CTIF: variants seen among roughly 807,000 people sequenced by gnomAD.
The protein encoded by CTIF is CBP80/20-dependent translation initiation factor.
Under a neutral mutation model 66.0 loss-of-function variants are expected in CTIF, and 21 were observed. That is an observed-to-expected ratio of 0.32 (90% CI 0.23 to 0.46). The LOEUF is 0.46. Among genes scored for constraint, CTIF ranks in the 20% least tolerant of loss-of-function variants. The pLI is 1.00. For missense variants in CTIF, 739 were observed against 812.7 expected, an observed-to-expected ratio of 0.91 and a Z score of 1.10; for synonymous variants, 345 against 326.4, an observed-to-expected ratio of 1.06 and a Z score of -0.62.
chr18:48,853,577 A>G (rs1480201966), intron 10 of CTIF, among the ~76,000 whole-genome samples: 1 of 152,028 alleles, frequency 6.6e-6, no homozygotes, highest in African/African-American at 2.4e-5. Flanking sequence ...TCCCAAAACG[A>G]TTTCTTTTCT....
At chr18:48,736,542 A>G (rs2092505199) in intron 7 of CTIF, among the ~76,000 whole-genome samples, 1 of 151,912 alleles carries the variant, frequency 6.6e-6, no homozygotes, top group Admixed American at 6.6e-5. Flanking sequence ...TCCTCCGATG[A>G]TTTTCCTTCT....
chr18:48,741,892 A>G (rs987544715), intron 7 of CTIF, among the ~76,000 whole-genome samples: 5 of 152,212 alleles, frequency 3.3e-5, no homozygotes, highest in Non-Finnish European at 7.4e-5. Context: ...ACAGAGAGCC[A>G]GCGAGTGCCA....
At chr18:48,645,607 C>G (rs74450516) in intron 3 of CTIF, among the ~76,000 whole-genome samples, 1 of 152,226 alleles carries the variant, frequency 6.6e-6, no homozygotes, top group Non-Finnish European at 1.5e-5. Flanking sequence ...CTCCTACCCA[C>G]GCCCCATGGT....
At chr18:48,563,344 A>G (rs921313402) in intron 1 of CTIF, among the ~76,000 whole-genome samples, 7 of 152,150 alleles carry the variant, frequency 4.6e-5, no homozygotes, top group Non-Finnish European at 1.0e-4. Flanking sequence ...TTTTGTATTC[A>G]TCTCTCTGGG....
At chr18:48,762,670 A>T (rs1245103537) in intron 9 of CTIF, among the ~76,000 whole-genome samples, 1 of 152,264 alleles carries the variant, frequency 6.6e-6, no homozygotes, top group Non-Finnish European at 1.5e-5. Flanking sequence ...GGCCATCTTA[A>T]CTAGGGTGAC....
intron 8 of CTIF, 103 bp downstream of exon 8, chr18:48,758,508 G>A: frequency 7.1e-7 from 1 of 1,406,396 alleles, no homozygotes; most frequent in South Asian, 1.4e-5. Context: ...GGGTTTGAGG[G>A]TCTAGGGAGC....
intron 1 of CTIF, among the ~76,000 whole-genome samples, chr18:48,607,141 C>T (rs999915699): frequency 9.2e-5 from 14 of 152,192 alleles, no homozygotes; most frequent in Non-Finnish European, 1.9e-4. Flanking sequence ...TTCCCTCCCT[C>T]GGGTCCTCCA....
chr18:48,825,818 A>C (rs1232106150), intron 10 of CTIF, among the ~76,000 whole-genome samples: 1 of 152,220 alleles, frequency 6.6e-6, no homozygotes, highest in African/African-American at 2.4e-5. Context: ...CTTTTACTAC[A>C]TTACAAACTC....
chr18:48,641,759 C>A (rs541929414), intron 3 of CTIF, among the ~76,000 whole-genome samples: 1 of 152,330 alleles, frequency 6.6e-6, no homozygotes, highest in South Asian at 2.1e-4. Context: ...GTGAAACACC[C>A]AACTGGATCC....
chr18:48,742,012 A>T (rs1254039300), intron 7 of CTIF, among the ~76,000 whole-genome samples: 1 of 152,210 alleles, frequency 6.6e-6, no homozygotes, highest in Non-Finnish European at 1.5e-5. Flanking sequence ...GTGGAGCTCA[A>T]TACCATCTGC....
chr18:48,730,150 G>A (rs1249774376), intron 7 of CTIF, among the ~76,000 whole-genome samples: 1 of 151,998 alleles, frequency 6.6e-6, no homozygotes, highest in African/African-American at 2.4e-5. Flanking sequence ...TTCAGGGCTA[G>A]CCACATGTGG....
At chr18:48,796,261 C>A (rs1471208842) in intron 9 of CTIF, among the ~76,000 whole-genome samples, 1 of 151,462 alleles carries the variant, frequency 6.6e-6, no homozygotes, top group Non-Finnish European at 1.5e-5. Context: ...GCAAGCTCCA[C>A]CTCCCGGGTT....
At chr18:48,845,843 A>T (rs1248461917) in intron 10 of CTIF, among the ~76,000 whole-genome samples, 1 of 151,918 alleles carries the variant, frequency 6.6e-6, no homozygotes, top group African/African-American at 2.4e-5. Flanking sequence ...CTTCTACCTC[A>T]TCCTTTTCCT....
intron 2 of CTIF, among the ~76,000 whole-genome samples, chr18:48,626,173 C>T (rs142302008): frequency 0.018 from 2,757 of 150,822 alleles, 87 homozygotes; most frequent in African/African-American, 0.064. Flanking sequence ...GGCTAATTTT[C>T]GTATTTTTAG....
chr18:48,632,775 A>G lies in CTIF; in HGVS notation c.181-3839A>G, dbSNP rs569107594. ...CCCTGCCGAGAGCACACTCTTCTTC[A>G]TCTCAGCCGTGCCGTCCCCACCCCC... On this transcript the variant is annotated intron_variant, in intron 2 of 11. Coordinates refer to ENST00000256413, the MANE Select transcript of CTIF (RefSeq NM_014772.3). Among the ~76,000 whole-genome samples, 28 of 151,840 alleles carry G rather than the reference A, an allele frequency of 1.8e-4. No homozygotes were observed. The East Asian group carries it at 4.5e-3, about 24-fold the overall frequency.
intron 9 of CTIF, among the ~76,000 whole-genome samples, chr18:48,813,576 A>C (rs949277046): frequency 6.6e-6 from 1 of 152,206 alleles, no homozygotes; most frequent in Non-Finnish European, 1.5e-5. Flanking sequence ...CTCAGACCTA[A>C]AGCTGGAGGG....
rs534768693 is a variant in CTIF at position 48,650,166 on chromosome 18, A to G, written c.252+13481A>G. Reference sequence around the variant, plus strand: ...CAGAAGTAGGCTTCAGAAGGTCGGTAATAACAAACTTCTCCTAGCTAAAGG... The same window carrying G: ...CAGAAGTAGGCTTCAGAAGGTCGGTGATAACAAACTTCTCCTAGCTAAAGG... On this transcript the variant is annotated intron_variant, in intron 3 of 11. Transcript: ENST00000256413. Among the ~76,000 whole-genome samples, 16 of 152,362 alleles carry G rather than the reference A, an allele frequency of 1.1e-4. No individual in the cohort carries two copies. The South Asian group carries it at 3.3e-3, about 32-fold the overall frequency.
At chr18:48,823,857 C>T (rs117137281) in intron 10 of CTIF, among the ~76,000 whole-genome samples, 6,903 of 152,124 alleles carry the variant, frequency 0.045, 413 homozygotes, top group East Asian at 0.33. Context: ...TACTGGAAAT[C>T]CTAGCCAGAA....
chr18:48,853,303 G>T (rs1407405063), intron 10 of CTIF, among the ~76,000 whole-genome samples: 3 of 152,158 alleles, frequency 2.0e-5, no homozygotes, highest in Non-Finnish European at 4.4e-5. Flanking sequence ...TGGCTGCTCA[G>T]GGAAGGCCTG....
Sources: gnomAD v4.1 joint callset for allele counts (sites outside exome capture counted in the v4.1 genomes callset) on GRCh38, gnomAD v4.1.1 for gene constraint, MANE v1.5 for transcripts, NCBI Gene and HGNC (gene_info 2026-07-23, HGNC 2026-07-21) for gene names.